UBE2J1: variants seen among roughly 807,000 people sequenced by gnomAD.
UBE2J1 encodes the protein ubiquitin-conjugating enzyme E2 J1.
A neutral mutation model predicts 42.1 loss-of-function variants in UBE2J1; 17 were observed. The observed-to-expected ratio is 0.40, with a 90% CI of 0.28 to 0.61. The LOEUF is 0.61. Among genes scored for constraint, UBE2J1 ranks in the 20% least tolerant of loss-of-function variants. UBE2J1 has a pLI of 0.38. For synonymous variants in UBE2J1, 127 were observed against 137.2 expected, an observed-to-expected ratio of 0.93 and a Z score of 0.52; for missense variants, 291 against 389.4, an observed-to-expected ratio of 0.75 and a Z score of 2.13.
At chr6:89,337,626 T>C (rs899133602) in intron 5 of UBE2J1, among the ~76,000 whole-genome samples, 1 of 152,150 alleles carries the variant, frequency 6.6e-6, no homozygotes, top group African/African-American at 2.4e-5. Context: ...AAAGAGGGGC[T>C]ACTCTGAATG....
rs1177818455 is a variant in UBE2J1, at chr6:89,327,126, A to T, written c.*2553T>A. 1.3e-5 allele frequency: 2 copies of T among 152,664 alleles called. No homozygotes were observed. The highest frequency in any genetic ancestry group is 4.8e-5 in the African/African-American group (2 of 41,462). The allele number at this position is 152,664 out of a possible 1,614,324, so 9.5% of individuals were successfully genotyped here. On this transcript the variant is annotated 3_prime_UTR_variant, in exon 8 of 8. Coordinates refer to ENST00000435041, the MANE Select transcript of UBE2J1 (RefSeq NM_016021.3). Reference sequence around the variant, plus strand: ...ATGAAAACGTAAAGTGCTACATAAAAGCCCCACATTACATAAATTTTGAAA... The same window carrying T: ...ATGAAAACGTAAAGTGCTACATAAATGCCCCACATTACATAAATTTTGAAA...
chr6:89,338,371 G>A, intron 4 of UBE2J1, 61 bp from the exon 5 acceptor site: 3 of 1,572,846 alleles, frequency 1.9e-6, no homozygotes, highest in Non-Finnish European at 2.6e-6. Context: ...GGTTTATTCT[G>A]GAAAAAGAAA....
intron 1 of UBE2J1, among the ~76,000 whole-genome samples, 157 bp downstream of exon 1, chr6:89,352,382 C>A (rs921933664): frequency 6.6e-6 from 1 of 152,354 alleles, no homozygotes; most frequent in Non-Finnish European, 1.5e-5. Context: ...CCTCGCCCTG[C>A]GGCCTGTACT....
At chr6:89,334,850 A>C (rs927919446) in intron 6 of UBE2J1, among the ~76,000 whole-genome samples, 1 of 152,162 alleles carries the variant, frequency 6.6e-6, no homozygotes, top group African/African-American at 2.4e-5. Context: ...TCTGAATGCA[A>C]CACATGTATT....
chr6:89,351,589 A>T (rs1204862703), intron 1 of UBE2J1, among the ~76,000 whole-genome samples: 1 of 152,346 alleles, frequency 6.6e-6, no homozygotes, highest in East Asian at 1.9e-4. Context: ...TAGTCTTGCT[A>T]ATTCCTACTG....
intron 3 of UBE2J1, among the ~76,000 whole-genome samples, chr6:89,339,319 A>T (rs1413882777): frequency 6.8e-6 from 1 of 147,324 alleles, no homozygotes; most frequent in African/African-American, 2.5e-5. Flanking sequence ...AGTCCTACCT[A>T]CTTGGGAGGC....
intron 1 of UBE2J1, 97 bp downstream of exon 1, chr6:89,352,442 C>A: frequency 3.7e-6 from 5 of 1,366,528 alleles, no homozygotes; most frequent in Non-Finnish European, 4.9e-6. Context: ...GGAGCTGAGC[C>A]GCGAGTGGCG....
chr6:89,342,928 C>T (rs191438179), intron 2 of UBE2J1, among the ~76,000 whole-genome samples: 7 of 152,256 alleles, frequency 4.6e-5, no homozygotes, highest in Admixed American at 2.0e-4. Flanking sequence ...TTTCAGTTTA[C>T]AAAATACTTG....
intron 1 of UBE2J1, among the ~76,000 whole-genome samples, chr6:89,344,582 G>T (rs113054851): frequency 0.011 from 1,625 of 152,282 alleles, 30 homozygotes; most frequent in African/African-American, 0.037. Context: ...CCAAACAGCT[G>T]AGCATCACTG....
In UBE2J1 at chr6:89,333,262, C is replaced by T. The variant is rs1286204571; in HGVS notation, c.559-57G>A. The T allele has an allele frequency of 2.6e-6, 4 of 1,550,442 alleles. No individual in the cohort carries two copies. In the Admixed American group the frequency reaches 6.0e-5, roughly 23 times the overall value. Reference sequence around the variant, plus strand: ...ACAACAGGAAACAACAGGAAACATACACAATCTACAACCTGCTAAATCCTC... The same window carrying T: ...ACAACAGGAAACAACAGGAAACATATACAATCTACAACCTGCTAAATCCTC... On this transcript the variant is annotated intron_variant, in intron 6 of 7. Transcript: ENST00000435041.
chr6:89,343,470 A>G (rs989722938), intron 2 of UBE2J1, among the ~76,000 whole-genome samples: 2 of 150,764 alleles, frequency 1.3e-5, no homozygotes, highest in Non-Finnish European at 3.0e-5. Context: ...TCTAACCTCA[A>G]CTTAGCATCT....
intron 7 of UBE2J1, among the ~76,000 whole-genome samples, chr6:89,330,260 T>C (rs766250488): frequency 6.6e-6 from 1 of 152,194 alleles, no homozygotes; most frequent in Non-Finnish European, 1.5e-5. Context: ...AATATGTATA[T>C]ACATATAATG....
At chr6:89,331,421 A>G (rs1768006182) in intron 7 of UBE2J1, among the ~76,000 whole-genome samples, 1 of 152,230 alleles carries the variant, frequency 6.6e-6, no homozygotes. Context: ...TACTACTATA[A>G]TAACATCATT....
At chr6:89,351,128 C>CTGGAGTG (rs1352780269) in intron 1 of UBE2J1, among the ~76,000 whole-genome samples, 2 of 120,936 alleles carry the variant, frequency 1.7e-5, no homozygotes, top group African/African-American at 6.5e-5. Flanking sequence ...GTCGCCCACA[C>CTGGAGTG]TGGAGTGCAG....
At chr6:89,350,713 T>G (rs1482451653) in intron 1 of UBE2J1, among the ~76,000 whole-genome samples, 1 of 152,220 alleles carries the variant, frequency 6.6e-6, no homozygotes, top group Non-Finnish European at 1.5e-5. Context: ...TCACATACTT[T>G]GGAAATATAC....
intron 2 of UBE2J1, 52 bp downstream of exon 2, chr6:89,343,631 A>C: frequency 7.0e-7 from 1 of 1,428,806 alleles, no homozygotes; most frequent in South Asian, 1.3e-5. Flanking sequence ...ATTTTAAAAA[A>C]TTTGTTTTAA....
intron 7 of UBE2J1, 136 bp from the exon 8 acceptor site, chr6:89,330,093 A>G: frequency 1.1e-6 from 1 of 875,328 alleles, no homozygotes; most frequent in Non-Finnish European, 1.7e-6. Context: ...ATTGTTACTA[A>G]TAATACATCC....
intron 1 of UBE2J1, among the ~76,000 whole-genome samples, chr6:89,346,745 T>TCTGGTTAGAGTTTAGAAACCA (rs1229106369): frequency 1.3e-5 from 2 of 152,076 alleles, no homozygotes; most frequent in Admixed American, 6.6e-5. Context: ...TCTGAATTAC[T>TCTGGTTAGAGTTTAGAAACCA]CTGGTTAGGT....
chr6:89,331,556 A>G (rs1768008885), intron 7 of UBE2J1, among the ~76,000 whole-genome samples: 1 of 152,234 alleles, frequency 6.6e-6, no homozygotes, highest in Non-Finnish European at 1.5e-5. Context: ...TCTACTATAT[A>G]GAAGGCACTA....
Sources: gnomAD v4.1 joint callset for allele counts (sites outside exome capture counted in the v4.1 genomes callset) on GRCh38, gnomAD v4.1.1 for gene constraint, MANE v1.5 for transcripts, NCBI Gene and HGNC (gene_info 2026-07-23, HGNC 2026-07-21) for gene names.